SMYD5: variants seen among roughly 807,000 people sequenced by gnomAD.
SMYD5 encodes protein-lysine N-trimethyltransferase SMYD5.
A neutral mutation model predicts 57.4 loss-of-function variants in SMYD5; 35 were observed. The ratio of observed to expected loss-of-function variants is 0.61; its 90% CI spans 0.47 to 0.81. SMYD5 has a LOEUF of 0.81. Among genes scored for constraint, SMYD5 ranks in the 30% least tolerant of loss-of-function variants. SMYD5 has a pLI of 0.00. For synonymous variants in SMYD5, 198 were observed against 189.7 expected (o/e 1.04, Z -0.36); for missense variants, 471 against 527.9 (o/e 0.89, Z 1.06).
intron 2 of SMYD5, among the ~76,000 whole-genome samples, chr2:73,219,319 G>A (rs55674561): frequency 0.073 from 11,100 of 152,148 alleles, 534 homozygotes; most frequent in Non-Finnish European, 0.11. Context: ...TGAGTTAGGG[G>A]TGAGCACAAG....
At chr2:73,221,081 T>A (rs1686383200) in intron 4 of SMYD5, 84 bp from the exon 5 acceptor site, 1 of 1,251,438 alleles carries the variant, frequency 8.0e-7, no homozygotes, top group Non-Finnish European at 1.2e-6. Flanking sequence ...TAGGAAGTTT[T>A]CTCTGTACCA....
At chr2:73,219,679 A>G (rs1018321673) in intron 2 of SMYD5, among the ~76,000 whole-genome samples, 1 of 152,072 alleles carries the variant, frequency 6.6e-6, no homozygotes, top group Non-Finnish European at 1.5e-5. Context: ...ACCGTGCCCA[A>G]CCCACACATT....
rs919819957 is a variant in SMYD5, at chr2:73,220,528, A to G, written c.346-133A>G. On this transcript the variant is annotated intron_variant, in intron 3 of 12. Transcript: ENST00000389501. ...CTAGGTGTGCCTTTCACATATCCCC[A>G]GAGCACCCTATGTTTTCTCTTCTCA... 28 of 1,081,166 alleles carry G rather than the reference A, an allele frequency of 2.6e-5. No homozygotes were observed. In the African/African-American group the frequency reaches 3.4e-4, roughly 13 times the overall value. 67.0% of individuals were successfully genotyped at this position (1,081,166 alleles called of 1,614,324 possible). A position where few individuals can be genotyped will look rare whatever the true frequency, so the allele number is the denominator to read the frequency against.
chr2:73,225,125 C>G (rs1686475313), intron 11 of SMYD5, 165 bp downstream of exon 11: 19 of 584,218 alleles, frequency 3.3e-5, no homozygotes, highest in South Asian at 4.3e-5. Context: ...TAGGTTCTAA[C>G]CCTACCTCGC....
At chr2:73,221,780 GAGA>G (rs778728227) in intron 5 of SMYD5, 43 bp from the exon 6 acceptor site, 1 of 1,353,932 alleles carries the variant, frequency 7.4e-7, no homozygotes, top group Admixed American at 1.7e-5. Flanking sequence ...GAGTGCCAGT[GAGA>G]AGGTGGGTAT....
intron 1 of SMYD5, among the ~76,000 whole-genome samples, chr2:73,217,805 GTCT>G (rs1430997270): frequency 2.6e-5 from 4 of 152,288 alleles, no homozygotes; most frequent in African/African-American, 7.2e-5. Flanking sequence ...GGCTCCACAC[GTCT>G]TCTTTGAGTA....
At chr2:73,222,676 C>A in intron 6 of SMYD5, 79 bp from the exon 7 acceptor site, 1 of 1,236,568 alleles carries the variant, frequency 8.1e-7, no homozygotes, top group South Asian at 1.3e-5. Flanking sequence ...CCTTCCCTCC[C>A]CTAGTCGCCT....
chr2:73,222,984 G>A, intron 7 of SMYD5, 52 bp from the exon 8 acceptor site: 1 of 1,566,280 alleles, frequency 6.4e-7, no homozygotes, highest in Non-Finnish European at 8.8e-7. Flanking sequence ...AGTCCAATTG[G>A]AAGAAAAGTC....
intron 1 of SMYD5, among the ~76,000 whole-genome samples, chr2:73,217,136 G>A (rs1686306986): frequency 6.6e-6 from 1 of 152,020 alleles, no homozygotes; most frequent in Non-Finnish European, 1.5e-5. Flanking sequence ...ATTTTTAGTA[G>A]AGACAGGGTT....
chr2:73,225,028 G>A, intron 11 of SMYD5, 68 bp downstream of exon 11: 3 of 1,189,874 alleles, frequency 2.5e-6, no homozygotes, highest in Non-Finnish European at 3.7e-6. Context: ...CAGGGATCAG[G>A]AGCAGCAGTG....
chr2:73,223,672 C>A, intron 9 of SMYD5, 140 bp downstream of exon 9: 1 of 708,312 alleles, frequency 1.4e-6, no homozygotes, highest in South Asian at 1.7e-5. Context: ...AGCTTCAGAT[C>A]TGTCCACAGG....
intron 1 of SMYD5, 60 bp downstream of exon 1, chr2:73,214,422 G>T: frequency 6.2e-7 from 1 of 1,609,664 alleles, no homozygotes; most frequent in African/African-American, 1.3e-5. Flanking sequence ...GAGACAGCCC[G>T]GCCGGACTCC....
chr2:73,221,144 A>G lies in SMYD5; in HGVS notation c.468-21A>G, dbSNP rs550477072. 5.0e-6 allele frequency: 8 copies of G among 1,610,462 alleles called. No individual in the cohort carries two copies. In the East Asian group the frequency reaches 1.3e-4, roughly 27 times the overall value. ...TACTAGGGAGAGAATTTCTAGGCCA[A>G]TCTTTTTTCTCTTTCCCCAGGAGTA... On this transcript the variant is annotated intron_variant, in intron 4 of 12. Coordinates refer to ENST00000389501, the MANE Select transcript of SMYD5 (RefSeq NM_006062.3).
At chr2:73,219,849 G>T in intron 2 of SMYD5, 2 of 691,312 alleles carry the variant, frequency 2.9e-6, no homozygotes, top group Admixed American at 2.1e-5. Context: ...AGGGAGGAGG[G>T]GATCATCTGC....
chr2:73,221,114 T>C lies in SMYD5; in HGVS notation c.468-51T>C, dbSNP rs1231266105. ...CCAGTCAGACTCGGCTTCCCTGAGC[T>C]CAGCTACTAGGGAGAGAATTTCTAG... On this transcript the variant is annotated intron_variant, in intron 4 of 12. Coordinates refer to ENST00000389501, the MANE Select transcript of SMYD5 (RefSeq NM_006062.3). 2.0e-6 allele frequency: 3 copies of C among 1,503,184 alleles called. No individual in the cohort carries two copies. In the East Asian group the frequency reaches 6.8e-5, roughly 34 times the overall value. The allele number at this position is 1,503,184 out of a possible 1,614,324, so 93.1% of individuals were successfully genotyped here. A position where few individuals can be genotyped will look rare whatever the true frequency, so the allele number is the denominator to read the frequency against.
intron 1 of SMYD5, among the ~76,000 whole-genome samples, chr2:73,216,553 C>T (rs537048527): frequency 3.3e-5 from 5 of 152,192 alleles, no homozygotes; most frequent in South Asian, 2.1e-4. Context: ...AAAAATTAGT[C>T]GGGCGTGGTG....
intron 10 of SMYD5, among the ~76,000 whole-genome samples, chr2:73,224,576 G>A (rs1686463166): frequency 6.6e-6 from 1 of 152,212 alleles, no homozygotes; most frequent in Non-Finnish European, 1.5e-5. Flanking sequence ...GGTCTGGGGT[G>A]GGCATTCCTT....
In SMYD5 at chr2:73,221,179, C is replaced by CA. The variant is rs770680783; in HGVS notation, c.483dup (p.Pro162ThrfsTer2). ...TCTTTCCCCAGGAGTATTCACTACC[C>CA]ACCTGAGACTGCAAGCATCATGTTG... On this transcript the variant is annotated frameshift_variant, in exon 5 of 13. Coordinates refer to ENST00000389501, the MANE Select transcript of SMYD5 (RefSeq NM_006062.3). LOFTEE classifies it high-confidence loss of function. The CA allele has an allele frequency of 3.7e-6, 6 of 1,613,810 alleles. No individual in the cohort carries two copies. The Admixed American group carries it at 6.7e-5, about 18-fold the overall frequency.
At chr2:73,224,146 A>G (rs1256050904) in intron 10 of SMYD5, 143 bp downstream of exon 10, 1 of 727,642 alleles carries the variant, frequency 1.4e-6, no homozygotes, top group East Asian at 2.5e-5. Flanking sequence ...CTGAGCTCCC[A>G]CAGGAATTCC....
Sources: gnomAD v4.1 joint callset for allele counts (sites outside exome capture counted in the v4.1 genomes callset) on GRCh38, gnomAD v4.1.1 for gene constraint, MANE v1.5 for transcripts, NCBI Gene and HGNC (gene_info 2026-07-23, HGNC 2026-07-21) for gene names.